AGAP1: variants seen among roughly 807,000 people sequenced by gnomAD.
AGAP1 encodes the protein arf-GAP with GTPase, ANK repeat and PH domain-containing protein 1.
AGAP1 carries 29 observed loss-of-function variants against 105.3 expected under a neutral mutation model. The ratio of observed to expected loss-of-function variants is 0.28; its 90% CI spans 0.21 to 0.38. The LOEUF (loss-of-function observed/expected upper bound fraction) is 0.38. Ranked by LOEUF, AGAP1 falls within the 10% of genes least tolerant of loss-of-function variation. The pLI, the probability that AGAP1 is intolerant of heterozygous loss-of-function variation, is 1.00. For synonymous variants in AGAP1, 509 were observed against 485.9 expected (o/e 1.05, Z -0.63); for missense variants, 998 against 1,165.1 (o/e 0.86, Z 2.09).
chr2:236,090,111 G>A lies in AGAP1; in HGVS notation c.2115-30081G>A, dbSNP rs771969129. 9.2e-5 allele frequency among the ~76,000 whole-genome samples: 14 copies of A among 152,180 alleles called. No individual in the cohort carries two copies. The highest frequency in any genetic ancestry group is 3.3e-4 in the Admixed American group (5 of 15,278). On this transcript the variant is annotated intron_variant, in intron 16 of 17. Transcript: ENST00000304032. The surrounding 1 kb of genome is among the most constrained non-coding windows in gnomAD (Gnocchi z 4.3). ...CACTGCTCTCCTCACCTTGCCCTGC[G>A]CGCCTGAGCCCTTCACAGAGACCGG...
chr2:235,590,403 C>T (rs1268195946), intron 1 of AGAP1, among the ~76,000 whole-genome samples: 1 of 152,106 alleles, frequency 6.6e-6, no homozygotes, highest in African/African-American at 2.4e-5. Flanking sequence ...CCGGTGTCTG[C>T]ACCTCCTAGG....
rs10211043 is a variant in AGAP1, at chr2:236,000,772, A to G, written c.1645+32149A>G. On this transcript the variant is annotated intron_variant, in intron 13 of 17. Transcript: ENST00000304032. This position sits in a 1 kb window ranked among gnomAD's most constrained non-coding sequence, Gnocchi z 4.3. ...AGAGATTGTGTTTGCAGTGAGGGCC[A>G]CTAAGGGGGGCGGAGAAGACCCCTG... Among the ~76,000 whole-genome samples the G allele has an allele frequency of 0.7, 106,163 of 152,072 alleles. 38,252 individuals are homozygous for G. The highest frequency in any genetic ancestry group is 0.89 in the African/African-American group (36,888 of 41,512).
intron 12 of AGAP1, among the ~76,000 whole-genome samples, chr2:235,956,988 A>AT (rs965850004): frequency 1.3e-5 from 2 of 151,882 alleles, no homozygotes; most frequent in East Asian, 1.9e-4. Flanking sequence ...GACCTCTCCC[A>AT]TTTTTTTTAA....
At chr2:235,717,782 G>T in intron 3 of AGAP1, 138 bp downstream of exon 3, 6 of 724,822 alleles carry the variant, frequency 8.3e-6, no homozygotes, top group Non-Finnish European at 1.3e-5. Flanking sequence ...AAACCCTTAA[G>T]TATGTGGTTT....
chr2:236,095,910 A>G lies in AGAP1; in HGVS notation c.2115-24282A>G, dbSNP rs1461690089. ...GCCTCTCCATAGAGAAGAAGTTCAC[A>G]TTCCTTTTCTGTGTGACGCTGCTCT... On this transcript the variant is annotated intron_variant, in intron 16 of 17. Coordinates refer to ENST00000304032, the MANE Select transcript of AGAP1 (RefSeq NM_001037131.3). The surrounding 1 kb of genome is among the most constrained non-coding windows in gnomAD (Gnocchi z 4.1). Among the ~76,000 whole-genome samples, 3 of 152,102 alleles carry G rather than the reference A, an allele frequency of 2.0e-5. No individual in the cohort carries two copies. The highest frequency in any genetic ancestry group is 4.8e-5 in the African/African-American group (2 of 41,406).
intron 9 of AGAP1, among the ~76,000 whole-genome samples, chr2:235,833,061 C>T (rs960503388): frequency 6.6e-6 from 1 of 152,026 alleles, no homozygotes; most frequent in Non-Finnish European, 1.5e-5. Flanking sequence ...TGGAGGGGGC[C>T]GGTGAGCCAG....
At chr2:236,112,854 C>T (rs1438722982) in intron 16 of AGAP1, among the ~76,000 whole-genome samples, 2 of 152,380 alleles carry the variant, frequency 1.3e-5, no homozygotes, top group East Asian at 3.9e-4. Flanking sequence ...CAGGCCTGTC[C>T]TGAAGGCGGG....
At chr2:235,818,262 C>A (rs760090406) in intron 9 of AGAP1, among the ~76,000 whole-genome samples, 17 of 152,182 alleles carry the variant, frequency 1.1e-4, no homozygotes, top group Admixed American at 7.9e-4. Flanking sequence ...CTACTCTGTT[C>A]TAGACGAAGA....
chr2:236,036,939 C>T lies in AGAP1; in HGVS notation c.1800+224C>T, dbSNP rs1330283071. Among the ~76,000 whole-genome samples the T allele has an allele frequency of 6.6e-6, 1 of 152,156 alleles. No homozygotes were observed. The highest frequency in any genetic ancestry group is 2.4e-5 in the African/African-American group (1 of 41,448). ...TGACCGTGCTTCCCTGGCAGGAGAG[C>T]CAAGGTTAAATCTTCAGTCTGTCAG... On this transcript the variant is annotated intron_variant, in intron 14 of 17. Coordinates refer to ENST00000304032, the MANE Select transcript of AGAP1 (RefSeq NM_001037131.3). This position sits in a 1 kb window ranked among gnomAD's most constrained non-coding sequence, Gnocchi z 5.7.
At chr2:236,071,382 T>C (rs1347874367) in intron 16 of AGAP1, among the ~76,000 whole-genome samples, 1 of 152,056 alleles carries the variant, frequency 6.6e-6, no homozygotes, top group East Asian at 1.9e-4. Context: ...CCTGGAAGGA[T>C]TGGTTCTAGC....
At position 236,045,317 on chromosome 2, in the gene AGAP1, C is replaced by G. The variant is rs909174975; in HGVS notation, c.1892-3742C>G. The stretch of plus-strand genomic sequence containing the variant: ...CTCCGTTTTGTTCACTGCTGTATCC[C>G]CAGAAGCCAGTGTGTTAATATTGGT... On this transcript the variant is annotated intron_variant, in intron 15 of 17. Transcript: ENST00000304032. This position sits in a 1 kb window ranked among gnomAD's most constrained non-coding sequence, Gnocchi z 6.9. Among the ~76,000 whole-genome samples the G allele has an allele frequency of 3.3e-5, 5 of 152,274 alleles. No homozygotes were observed. The highest frequency in any genetic ancestry group is 1.2e-4 in the African/African-American group (5 of 41,562).
intron 1 of AGAP1, among the ~76,000 whole-genome samples, chr2:235,533,438 G>A (rs1574784887): frequency 6.6e-6 from 1 of 152,204 alleles, no homozygotes; most frequent in Admixed American, 6.5e-5. Flanking sequence ...TTACTCATTA[G>A]TTTGCTGTAT....
In AGAP1 at chr2:235,714,063, G is replaced by T. The variant is rs1950976901; in HGVS notation, c.223-3494G>T. On this transcript the variant is annotated intron_variant, in intron 2 of 17. Coordinates refer to ENST00000304032, the MANE Select transcript of AGAP1 (RefSeq NM_001037131.3). This position sits in a 1 kb window ranked among gnomAD's most constrained non-coding sequence, Gnocchi z 4.1. ...GAGTCTCACTCTGTCGCCCAGGCTG[G>T]AGTGCGGTGGTGCAATCTCAGCTCA... 6.6e-6 allele frequency among the ~76,000 whole-genome samples: 1 copy of T among 152,032 alleles called. No individual in the cohort carries two copies. The highest frequency in any genetic ancestry group is 1.5e-5 in the Non-Finnish European group (1 of 67,998).
intron 9 of AGAP1, among the ~76,000 whole-genome samples, chr2:235,876,865 G>A (rs1422503068): frequency 2.9e-5 from 2 of 69,372 alleles, no homozygotes; most frequent in African/African-American, 1.4e-4. Context: ...TTTTTTTTTT[G>A]AGACAGAGTT....
chr2:235,521,756 G>A (rs1221107918), intron 1 of AGAP1, among the ~76,000 whole-genome samples: 22 of 151,920 alleles, frequency 1.4e-4, no homozygotes, highest in Admixed American at 3.3e-4. Context: ...GTGTGTGTGT[G>A]TGTGTGTGTG....
intron 1 of AGAP1, among the ~76,000 whole-genome samples, chr2:235,693,969 A>G: frequency 6.6e-6 from 1 of 152,206 alleles, no homozygotes; most frequent in African/African-American, 2.4e-5. Context: ...AAAGTAACAG[A>G]AACTACCATG....
chr2:235,883,406 C>A lies in AGAP1; in HGVS notation c.1112C>A (p.Thr371Asn), dbSNP rs758968233. Residue 371 changes from threonine (T) to asparagine (N), a missense_variant, in exon 10 of 18, where the codon ACC becomes AAC. Physicochemically the swap from Thr to Asn is moderately conservative, Grantham distance 65 (BLOSUM62 0). Around this residue, in one of 3 missense-constraint regions of AGAP1, gnomAD observed 735 missense variants for 833.4 expected, o/e 0.88. Transcript: ENST00000304032. The surrounding 1 kb of genome is among the most constrained non-coding windows in gnomAD (Gnocchi z 4.5). ...AAAGAGTGGAAAAAGAAATATGTCA[C>A]CCTGTGTGACAATGGCGTGCTGACC... ...LNKEWKKKYV[T>N]LCDNGVLTYH... 1.2e-6 allele frequency: 2 copies of A among 1,614,072 alleles called. No homozygotes were observed. Among genetic ancestry groups the A allele is most frequent in the East Asian group, 2.2e-5 (1 of 44,876 alleles).
intron 3 of AGAP1, among the ~76,000 whole-genome samples, chr2:235,726,617 G>A (rs997538989): frequency 3.9e-5 from 6 of 152,074 alleles, no homozygotes; most frequent in African/African-American, 1.4e-4. Flanking sequence ...CCTTGATCAC[G>A]CCATCTCTCT....
intron 1 of AGAP1, among the ~76,000 whole-genome samples, chr2:235,598,283 C>T (rs1444850958): frequency 1.3e-5 from 2 of 152,176 alleles, no homozygotes; most frequent in African/African-American, 2.4e-5. Flanking sequence ...GCTGCTGGGA[C>T]AGGCTCCCAC....
Sources: allele counts gnomAD v4.1 joint callset (sites outside exome capture counted in the v4.1 genomes callset), GRCh38; gene constraint gnomAD v4.1.1; regional missense constraint gnomAD v4.1.1; non-coding constraint Gnocchi (gnomAD v3.1); transcripts MANE v1.5; gene names NCBI Gene and HGNC (gene_info 2026-07-23, HGNC 2026-07-21).